The following NGB variants were observed in gnomAD, a reference collection of about 807,000 sequenced individuals.
NGB encodes neuroglobin, also known as nitrite reductase.
Under a neutral mutation model 17.3 loss-of-function variants are expected in NGB, and 12 were observed. The ratio of observed to expected loss-of-function variants is 0.69; its 90% CI spans 0.45 to 1.13. The LOEUF (loss-of-function observed/expected upper bound fraction) is 1.13, where lower values mean the gene tolerates loss of function less well. NGB is among the 50% of genes most tolerant of loss of function. NGB has a pLI of 0.00. For missense variants in NGB, 195 were observed against 191.7 expected (o/e 1.02, Z -0.10); for synonymous variants, 87 against 81.0 (o/e 1.07, Z -0.40).
chr14:77,267,048 A>G (rs565673167), intron 3 of NGB, among the ~76,000 whole-genome samples: 1 of 152,316 alleles, frequency 6.6e-6, no homozygotes, highest in East Asian at 1.9e-4. Context: ...CTCTGGAGCC[A>G]GATAGACCTG....
chr14:77,270,860 G>T lies in NGB; in HGVS notation c.78C>A (p.Val26=). The T allele has an allele frequency of 6.3e-7, 1 of 1,585,526 alleles. No homozygotes were observed. The highest frequency in any genetic ancestry group is 1.1e-5 in the South Asian group (1 of 88,746). The change falls in exon 1 of 4, where the codon GTC becomes GTA. Residue 26 remains valine, a synonymous_variant. Coordinates refer to ENST00000298352, the MANE Select transcript of NGB (RefSeq NM_021257.4). ...CGTGTAGCCCTCACCTGGCAAACAGGACGGTGCCGTGCTCCAGCGGGCTGC... is the reference window on the plus strand; with the variant it reads ...CGTGTAGCCCTCACCTGGCAAACAGTACGGTGCCGTGCTCCAGCGGGCTGC... ...VSRSPLEHGT[V]LFARLFALEP...
intron 3 of NGB, among the ~76,000 whole-genome samples, chr14:77,268,038 C>T (rs1020846537): frequency 6.6e-6 from 1 of 152,214 alleles, no homozygotes; most frequent in Non-Finnish European, 1.5e-5. Context: ...AGCTCAAAGG[C>T]TGACAGGCCT....
Position 77,268,603 on chromosome 14 carries a change from G to A in NGB, c.202-18C>T, listed in dbSNP as rs1433535468. Reference sequence around the variant, plus strand: ...AGCATCACCTGCCAAGGCCAAGGCAGCAGTGAAACAGAGAGGCCAGAGCAG... The same window carrying A: ...AGCATCACCTGCCAAGGCCAAGGCAACAGTGAAACAGAGAGGCCAGAGCAG... On this transcript the variant is annotated intron_variant, in intron 2 of 3. Transcript: ENST00000298352. The A allele has an allele frequency of 4.3e-6, 7 of 1,613,652 alleles. No homozygotes were observed. The highest frequency in any genetic ancestry group is 5.9e-6 in the Non-Finnish European group (7 of 1,179,940).
In NGB at chr14:77,270,882, C is replaced by T. The variant is rs745635450; in HGVS notation, c.56G>A (p.Ser19Asn). 26 of 1,585,468 alleles carry T rather than the reference C, an allele frequency of 1.6e-5. No individual in the cohort carries two copies. The East Asian group carries it at 5.9e-4, about 36-fold the overall frequency. The change falls in exon 1 of 4, where the codon AGC becomes AAC. Residue 19 changes from serine (S) to asparagine (N), a missense_variant. Coordinates refer to ENST00000298352, the MANE Select transcript of NGB (RefSeq NM_021257.4). The stretch of plus-strand genomic sequence containing the variant: ...CAGGACGGTGCCGTGCTCCAGCGGG[C>T]TGCGGCTCACTGCCCGCCAGCTCTG... ...IRQSWRAVSR[S>N]PLEHGTVLFA...
intron 1 of NGB, 46 bp from the exon 2 acceptor site, chr14:77,269,372 G>A (rs1056045444): frequency 7.9e-6 from 10 of 1,270,844 alleles, no homozygotes; most frequent in African/African-American, 1.5e-5. Flanking sequence ...GTGAGCTCCT[G>A]CAAGCCCCAG....
chr14:77,270,999 C>A lies in NGB; in HGVS notation c.-62G>T. 4 of 1,265,576 alleles carry A rather than the reference C, an allele frequency of 3.2e-6. No individual in the cohort carries two copies. The highest frequency in any genetic ancestry group is 4.3e-6 in the Non-Finnish European group (4 of 939,446). The allele number at this position is 1,265,576 out of a possible 1,614,324, so 78.4% of individuals were successfully genotyped here. A position where few individuals can be genotyped will look rare whatever the true frequency, so the allele number is the denominator to read the frequency against. On this transcript the variant is annotated 5_prime_UTR_variant, in exon 1 of 4. Coordinates refer to ENST00000298352, the MANE Select transcript of NGB (RefSeq NM_021257.4). ...TCAGGGCTCGGGTGCCGTCACCGCA[C>A]GTGCCGCGCCATCTCCTCCGCGACG... is the stretch of plus-strand genomic sequence containing the variant.
chr14:77,268,699 T>A, intron 2 of NGB, 114 bp from the exon 3 acceptor site: 1 of 1,421,882 alleles, frequency 7.0e-7, no homozygotes, highest in South Asian at 1.3e-5. Context: ...GGACCCTCAG[T>A]TCTCCAAGAT....
At chr14:77,267,999 T>C (rs1354225608) in intron 3 of NGB, among the ~76,000 whole-genome samples, 1 of 152,242 alleles carries the variant, frequency 6.6e-6, no homozygotes, top group Non-Finnish European at 1.5e-5. Context: ...TCAGCTAGAC[T>C]AGTGAATGAC....
chr14:77,269,088 T>A (rs766082568), intron 2 of NGB, 127 bp downstream of exon 2: 68 of 639,000 alleles, frequency 1.1e-4, no homozygotes, highest in Non-Finnish European at 1.7e-4. Flanking sequence ...AAAGGAGCTG[T>A]ACCCTGCTTG....
At chr14:77,270,790 AC>A in intron 1 of NGB, 58 bp downstream of exon 1, 1 of 1,398,630 alleles carries the variant, frequency 7.1e-7, no homozygotes, top group Non-Finnish European at 9.8e-7. Context: ...CTGCCGCGTG[AC>A]CCCTTTCCCG....
In NGB at chr14:77,266,411, A is replaced by G; in HGVS notation, c.*125T>C. On this transcript the variant is annotated 3_prime_UTR_variant, in exon 4 of 4. Transcript: ENST00000298352. ...TACTGAGACCCAGCCCTGCCCCATCACCTCTCCAGTGTGGCCAAGGGGACA... is the reference window on the plus strand; with the variant it reads ...TACTGAGACCCAGCCCTGCCCCATCGCCTCTCCAGTGTGGCCAAGGGGACA... 7.6e-7 allele frequency: 1 copy of G among 1,318,752 alleles called. No homozygotes were observed. The highest frequency in any genetic ancestry group is 1.1e-6 in the Non-Finnish European group (1 of 921,742). 81.7% of individuals were successfully genotyped at this position (1,318,752 alleles called of 1,614,324 possible). A position where few individuals can be genotyped will look rare whatever the true frequency, so the allele number is the denominator to read the frequency against.
In NGB at chr14:77,266,010, C is replaced by T. The variant is rs948359789; in HGVS notation, c.*526G>A. 1 of 297,368 alleles carries T rather than the reference C, an allele frequency of 3.4e-6. No individual in the cohort carries two copies. Among genetic ancestry groups the T allele is most frequent in the Admixed American group, 3.8e-5 (1 of 26,246 alleles). The allele number at this position is 297,368 out of a possible 1,614,324, so 18.4% of individuals were successfully genotyped here. Reference sequence around the variant, plus strand: ...TTCCCTGGCAGTTCTGATTCTGCTCCCACTGCCTGGGATTCCACCAAGAAG... The same window carrying T: ...TTCCCTGGCAGTTCTGATTCTGCTCTCACTGCCTGGGATTCCACCAAGAAG... On this transcript the variant is annotated 3_prime_UTR_variant, in exon 4 of 4. Coordinates refer to ENST00000298352, the MANE Select transcript of NGB (RefSeq NM_021257.4).
chr14:77,269,454 C>G, intron 1 of NGB, 128 bp from the exon 2 acceptor site: 1 of 616,880 alleles, frequency 1.6e-6, no homozygotes, highest in Admixed American at 2.5e-5. Context: ...ACAGCTGACT[C>G]TCCCACCTGG....
chr14:77,270,969 G>A lies in NGB; in HGVS notation c.-32C>T, dbSNP rs1482086464. On this transcript the variant is annotated 5_prime_UTR_variant, in exon 1 of 4. Coordinates refer to ENST00000298352, the MANE Select transcript of NGB (RefSeq NM_021257.4). ...CCGGGGACGCGGAGCGCGGGGCTGG[G>A]ACCCTCAGGGCTCGGGTGCCGTCAC... The A allele has an allele frequency of 2.0e-6, 3 of 1,480,610 alleles. No individual in the cohort carries two copies. Among genetic ancestry groups the A allele is most frequent in the Admixed American group, 2.0e-5 (1 of 49,138 alleles). The allele number at this position is 1,480,610 out of a possible 1,614,324, so 91.7% of individuals were successfully genotyped here.
At chr14:77,269,682 C>T (rs914879030) in intron 1 of NGB, among the ~76,000 whole-genome samples, 4 of 1,144 alleles carry the variant, frequency 3.5e-3, no homozygotes, top group Non-Finnish European at 7.2e-3. Flanking sequence ...CTCTCTCTCT[C>T]TCTCTCTCTC....
At chr14:77,268,683 CCAGTAGGACCCT>C in intron 2 of NGB, 98 bp from the exon 3 acceptor site, 1 of 1,489,634 alleles carries the variant, frequency 6.7e-7, no homozygotes, top group Non-Finnish European at 9.2e-7. Flanking sequence ...GCAAGAGAGG[CCAGTAGGACCCT>C]CAGTTCTCCA....
chr14:77,268,667 C>A lies in NGB; in HGVS notation c.202-82G>T, dbSNP rs535984126. The A allele has an allele frequency of 5.8e-5, 91 of 1,574,912 alleles. No individual in the cohort carries two copies. The South Asian group carries it at 9.9e-4, about 17-fold the overall frequency. On this transcript the variant is annotated intron_variant, in intron 2 of 3. Coordinates refer to ENST00000298352, the MANE Select transcript of NGB (RefSeq NM_021257.4). ...CAATCACAGCCCAAGGCATGAGGGT[C>A]CCAAAGCAAGAGAGGCCAGTAGGAC... is the stretch of plus-strand genomic sequence containing the variant.
chr14:77,267,710 C>T (rs891621402), intron 3 of NGB, among the ~76,000 whole-genome samples: 1 of 152,114 alleles, frequency 6.6e-6, no homozygotes, highest in Non-Finnish European at 1.5e-5. Context: ...GAGGACAAGA[C>T]CAACACAGCT....
At chr14:77,270,560 C>A (rs934791753) in intron 1 of NGB, among the ~76,000 whole-genome samples, 3 of 152,244 alleles carry the variant, frequency 2.0e-5, no homozygotes, top group Admixed American at 6.5e-5. Context: ...GGAGGTCCAC[C>A]CGCCCAGATG....
Sources: allele counts gnomAD v4.1 joint callset (sites outside exome capture counted in the v4.1 genomes callset), GRCh38; gene constraint gnomAD v4.1.1; transcripts MANE v1.5; gene names NCBI Gene and HGNC (gene_info 2026-07-23, HGNC 2026-07-21).